EFR3A: variants seen among roughly 807,000 people sequenced by gnomAD.
The protein encoded by EFR3A is EFR3 homolog A.
A neutral mutation model predicts 104.4 loss-of-function variants in EFR3A; 76 were observed. That is an observed-to-expected ratio of 0.73 (90% CI 0.60 to 0.88). The LOEUF is 0.88. EFR3A is among the 40% of genes least tolerant of loss of function. EFR3A has a pLI of 0.00. For missense variants in EFR3A, 985 were observed against 1,012.5 expected (o/e 0.97, Z 0.37); for synonymous variants, 330 against 330.0 (o/e 1.00, Z 0.00).
chr8:131,956,924 G>A (rs562971635), intron 7 of EFR3A, among the ~76,000 whole-genome samples: 43 of 152,070 alleles, frequency 2.8e-4, no homozygotes, highest in African/African-American at 8.0e-4. Flanking sequence ...CTGACTTAAC[G>A]TCAGAATTCC....
At chr8:131,947,540 T>C (rs1701995819) in intron 4 of EFR3A, among the ~76,000 whole-genome samples, 1 of 151,674 alleles carries the variant, frequency 6.6e-6, no homozygotes, top group African/African-American at 2.4e-5. Flanking sequence ...TTTTTTTTTT[T>C]CCTTTTGTTG....
intron 10 of EFR3A, 112 bp from the exon 11 acceptor site, chr8:131,975,915 C>G: frequency 3.1e-6 from 2 of 643,398 alleles, no homozygotes. Context: ...AGCTTACAGA[C>G]TTGTGAGGGA....
At chr8:131,987,007 A>C (rs533206794) in intron 17 of EFR3A, among the ~76,000 whole-genome samples, 4 of 152,206 alleles carry the variant, frequency 2.6e-5, no homozygotes, top group Non-Finnish European at 5.9e-5. Context: ...TATTTCCTGC[A>C]TTATTTCTTG....
At chr8:131,949,318 A>G (rs527325411) in intron 4 of EFR3A, among the ~76,000 whole-genome samples, 2 of 152,266 alleles carry the variant, frequency 1.3e-5, no homozygotes, top group East Asian at 3.9e-4. Flanking sequence ...AATTACAGCT[A>G]AATAACTTGT....
chr8:131,938,869 G>C (rs1041719425), intron 1 of EFR3A, among the ~76,000 whole-genome samples: 8 of 152,042 alleles, frequency 5.3e-5, no homozygotes, highest in Non-Finnish European at 8.8e-5. Flanking sequence ...ATAACCCTCA[G>C]AGAGTTACGA....
At chr8:131,909,854 A>G (rs1327569569) in intron 1 of EFR3A, among the ~76,000 whole-genome samples, 1 of 152,230 alleles carries the variant, frequency 6.6e-6, no homozygotes, top group Non-Finnish European at 1.5e-5. Context: ...TCTGGGGGAC[A>G]AAATTGTCCC....
intron 10 of EFR3A, among the ~76,000 whole-genome samples, chr8:131,975,240 G>A (rs2130720663): frequency 6.6e-6 from 1 of 152,172 alleles, no homozygotes; most frequent in East Asian, 1.9e-4. Context: ...TTATTACAAT[G>A]ACATTCAAAT....
At chr8:131,975,626 G>T (rs1159624152) in intron 10 of EFR3A, among the ~76,000 whole-genome samples, 3 of 151,974 alleles carry the variant, frequency 2.0e-5, no homozygotes, top group South Asian at 4.2e-4. Context: ...ATGTTGGTCC[G>T]GCTGGTCTCG....
chr8:131,911,738 T>C (rs1816521479), intron 1 of EFR3A, among the ~76,000 whole-genome samples: 1 of 152,140 alleles, frequency 6.6e-6, no homozygotes, highest in Admixed American at 6.6e-5. Flanking sequence ...TATATAGAAA[T>C]ATTGGCCAAA....
chr8:131,964,517 G>T (rs1356396846), intron 8 of EFR3A, among the ~76,000 whole-genome samples: 2 of 152,076 alleles, frequency 1.3e-5, no homozygotes, highest in African/African-American at 4.8e-5. Context: ...ACTTACAGGG[G>T]ATGTGAAGGA....
chr8:131,994,647 G>T (rs1821384561), intron 18 of EFR3A, among the ~76,000 whole-genome samples: 1 of 152,156 alleles, frequency 6.6e-6, no homozygotes, highest in Non-Finnish European at 1.5e-5. Context: ...GCTATACTAA[G>T]AGTTTAGGTA....
chr8:131,980,026 G>A (rs1432878041), intron 14 of EFR3A, among the ~76,000 whole-genome samples: 1 of 152,058 alleles, frequency 6.6e-6, no homozygotes, highest in Non-Finnish European at 1.5e-5. Context: ...TCCAAAGCTT[G>A]GGCACCTAAT....
intron 1 of EFR3A, among the ~76,000 whole-genome samples, chr8:131,930,916 T>C (rs1817568064): frequency 6.6e-6 from 1 of 152,180 alleles, no homozygotes; most frequent in Non-Finnish European, 1.5e-5. Context: ...TATTATAACT[T>C]ATCTATTGCA....
chr8:131,991,219 A>G (rs982440840), intron 18 of EFR3A, among the ~76,000 whole-genome samples: 1 of 152,136 alleles, frequency 6.6e-6, no homozygotes, highest in Non-Finnish European at 1.5e-5. Flanking sequence ...CTTATTCACT[A>G]TCACGAGACT....
intron 5 of EFR3A, among the ~76,000 whole-genome samples, chr8:131,953,187 G>T (rs1818792222): frequency 6.6e-6 from 1 of 152,020 alleles, no homozygotes; most frequent in Non-Finnish European, 1.5e-5. Context: ...GGGATGGGAG[G>T]ATAAGGCAGC....
chr8:132,001,370 G>T (rs1052233460), intron 19 of EFR3A, among the ~76,000 whole-genome samples: 1 of 152,172 alleles, frequency 6.6e-6, no homozygotes, highest in African/African-American at 2.4e-5. Context: ...ATGTATTTAT[G>T]TATAATCTCA....
chr8:131,958,003 A>G (rs1819110274), intron 7 of EFR3A, among the ~76,000 whole-genome samples: 1 of 152,154 alleles, frequency 6.6e-6, no homozygotes, highest in South Asian at 2.1e-4. Context: ...TAAAGTGGCT[A>G]TAATTTCCCT....
intron 13 of EFR3A, 26 bp from the exon 14 acceptor site, chr8:131,979,319 TA>T (rs767648187): frequency 6.8e-7 from 1 of 1,465,666 alleles, no homozygotes; most frequent in South Asian, 1.3e-5. Context: ...TGCTATTCAT[TA>T]AAAATGATAT....
At chr8:131,914,756 A>G (rs964702639) in intron 1 of EFR3A, among the ~76,000 whole-genome samples, 3 of 152,154 alleles carry the variant, frequency 2.0e-5, no homozygotes, top group African/African-American at 7.2e-5. Context: ...TATTGCACCC[A>G]GGTACTAAGC....
Sources: allele counts gnomAD v4.1 joint callset (sites outside exome capture counted in the v4.1 genomes callset), GRCh38; gene constraint gnomAD v4.1.1; transcripts MANE v1.5; gene names NCBI Gene and HGNC (gene_info 2026-07-23, HGNC 2026-07-21).